LYPLAL1: variants seen among roughly 807,000 people sequenced by gnomAD.
LYPLAL1 encodes lysophospholipase like 1, also known as lysophospholipase-like protein 1.
LYPLAL1 carries 23 observed loss-of-function variants against 19.7 expected under a neutral mutation model. That is an observed-to-expected ratio of 1.17 (90% confidence interval 0.84 to 1.65). LYPLAL1 has a LOEUF of 1.65. Ranked by LOEUF, LYPLAL1 falls within the 40% of genes most tolerant of loss-of-function variation. LYPLAL1 has a pLI of 0.00. For missense variants in LYPLAL1, 355 were observed against 279.4 expected (o/e 1.27, Z -1.93); for synonymous variants, 119 against 96.3 (o/e 1.24, Z -1.38).
chr1:219,343,215 A>G, the LYPLAL1 span, among the ~76,000 whole-genome samples: 3 of 152,236 alleles, frequency 2.0e-5, no homozygotes, highest in Non-Finnish European at 4.4e-5. Context: ...AAAATTCATG[A>G]AAATGATGAG....
chr1:219,345,899 C>G, the LYPLAL1 span, among the ~76,000 whole-genome samples: 15 of 152,332 alleles, frequency 9.8e-5, no homozygotes, highest in South Asian at 1.5e-3. Context: ...CTCACACACT[C>G]AACGAGTGGT....
the LYPLAL1 span, among the ~76,000 whole-genome samples, chr1:219,420,422 G>A: frequency 6.6e-6 from 1 of 152,206 alleles, no homozygotes; most frequent in African/African-American, 2.4e-5. Flanking sequence ...GATCATCGTT[G>A]TATTGCAATA....
chr1:219,278,262 A>T, the LYPLAL1 span, among the ~76,000 whole-genome samples: 2 of 152,164 alleles, frequency 1.3e-5, no homozygotes, highest in Admixed American at 1.3e-4. Context: ...CTTTGTAGAG[A>T]ATCAAGCCTC....
At chr1:219,333,413 T>G in the LYPLAL1 span, among the ~76,000 whole-genome samples, 15 of 151,928 alleles carry the variant, frequency 9.9e-5, no homozygotes, top group African/African-American at 3.6e-4. Flanking sequence ...GCTTGTACAG[T>G]CATACATGGC....
At chr1:219,307,042 G>GTATATATATATATATATATGTATA in the LYPLAL1 span, among the ~76,000 whole-genome samples, 2 of 42,596 alleles carry the variant, frequency 4.7e-5, no homozygotes, top group African/African-American at 1.4e-4. Context: ...ATATATATAT[G>GTATATATATATATATATATGTATA]TATATATATA....
chr1:219,256,222 C>G, the LYPLAL1 span, among the ~76,000 whole-genome samples: 2 of 151,886 alleles, frequency 1.3e-5, no homozygotes, highest in Non-Finnish European at 1.5e-5. Flanking sequence ...ACTGATTCAA[C>G]TCTTAACAGG....
chr1:219,349,610 CAT>C, the LYPLAL1 span, among the ~76,000 whole-genome samples: 3 of 152,140 alleles, frequency 2.0e-5, 1 homozygote, highest in Admixed American at 6.5e-5. Context: ...TATGTGTACT[CAT>C]GTGCATATGT....
At chr1:219,185,502 A>G (rs1656653451) in intron 2 of LYPLAL1, among the ~76,000 whole-genome samples, 1 of 151,832 alleles carries the variant, frequency 6.6e-6, no homozygotes, top group African/African-American at 2.4e-5. Context: ...ATTTATGTTG[A>G]AATGTTTTCA....
At chr1:219,332,232 G>T in the LYPLAL1 span, among the ~76,000 whole-genome samples, 1 of 152,116 alleles carries the variant, frequency 6.6e-6, no homozygotes, top group African/African-American at 2.4e-5. Context: ...GTGGGATAAG[G>T]GAGAGGATAC....
chr1:219,317,110 G>A, the LYPLAL1 span, among the ~76,000 whole-genome samples: 1 of 152,102 alleles, frequency 6.6e-6, no homozygotes, highest in African/African-American at 2.4e-5. Context: ...GGTTCAATTT[G>A]TTGTTCAATT....
chr1:219,174,288 CAG>C, intron 1 of LYPLAL1: 1 of 1,278,738 alleles, frequency 7.8e-7, no homozygotes, highest in Non-Finnish European at 1.0e-6. Flanking sequence ...CAAGTTTAAA[CAG>C]AGCAAGTTAG....
At chr1:219,232,520 TAAA>T in the LYPLAL1 span, among the ~76,000 whole-genome samples, 4 of 152,052 alleles carry the variant, frequency 2.6e-5, no homozygotes, top group African/African-American at 7.2e-5. Flanking sequence ...GCAGCAAAAG[TAAA>T]AATAGATGGA....
chr1:219,369,114 A>G, the LYPLAL1 span, among the ~76,000 whole-genome samples: 2 of 152,278 alleles, frequency 1.3e-5, no homozygotes, highest in Admixed American at 1.3e-4. Flanking sequence ...TAGCTCTCCC[A>G]CATAACAGGC....
At chr1:219,308,669 G>A in the LYPLAL1 span, among the ~76,000 whole-genome samples, 1 of 152,184 alleles carries the variant, frequency 6.6e-6, no homozygotes, top group African/African-American at 2.4e-5. Context: ...GCTTCCACAT[G>A]ATTTTGAGCC....
chr1:219,175,785 T>C (rs907215137), intron 1 of LYPLAL1, among the ~76,000 whole-genome samples: 2 of 152,214 alleles, frequency 1.3e-5, no homozygotes, highest in Admixed American at 6.5e-5. Context: ...AGTAGGTCTT[T>C]AGCAGCTAGT....
chr1:219,430,287 C>CAAAAA, the LYPLAL1 span, among the ~76,000 whole-genome samples: 3 of 69,786 alleles, frequency 4.3e-5, no homozygotes, highest in Admixed American at 1.7e-4. Context: ...GATCCTAGCT[C>CAAAAA]AAAAAAAAAA....
At chr1:219,426,644 G>T in the LYPLAL1 span, among the ~76,000 whole-genome samples, 2 of 151,868 alleles carry the variant, frequency 1.3e-5, no homozygotes, top group Non-Finnish European at 2.9e-5. Context: ...TGTCACCCAG[G>T]CTGCAATGCA....
the LYPLAL1 span, among the ~76,000 whole-genome samples, chr1:219,269,787 CAT>C: frequency 3.4e-4 from 51 of 152,164 alleles, no homozygotes; most frequent in African/African-American, 1.2e-3. Flanking sequence ...TAATTATAAA[CAT>C]ATCATACTAT....
chr1:219,352,150 A>T, the LYPLAL1 span, among the ~76,000 whole-genome samples: 1 of 152,168 alleles, frequency 6.6e-6, no homozygotes, highest in Non-Finnish European at 1.5e-5. Flanking sequence ...TTGAAGGCTG[A>T]CTCTATCATT....
Sources: allele counts gnomAD v4.1 joint callset (sites outside exome capture counted in the v4.1 genomes callset), GRCh38; gene constraint gnomAD v4.1.1; transcripts MANE v1.5; gene names NCBI Gene and HGNC (gene_info 2026-07-23, HGNC 2026-07-21).